The following ATG2A variants were observed in gnomAD, a reference collection of about 807,000 sequenced individuals.
ATG2A encodes autophagy-related protein 2 homolog A.
ATG2A carries 103 observed loss-of-function variants against 214.2 expected under a neutral mutation model. The ratio of observed to expected loss-of-function variants is 0.48; its 90% CI spans 0.41 to 0.57. The LOEUF is 0.57. Ranked by LOEUF, ATG2A falls within the 20% of genes least tolerant of loss-of-function variation. ATG2A has a pLI of 0.00. For synonymous variants in ATG2A, 1,160 were observed against 1,142.1 expected (o/e 1.02, Z -0.32); for missense variants, 2,312 against 2,613.2 (o/e 0.88, Z 2.51).
At chr11:64,915,660 C>T (rs1056279402) in intron 1 of ATG2A, among the ~76,000 whole-genome samples, 2 of 152,012 alleles carry the variant, frequency 1.3e-5, no homozygotes, top group Non-Finnish European at 2.9e-5. Context: ...GGAGTAGGGG[C>T]GTTTTCTGGA....
At position 64,894,959 on chromosome 11, in the gene ATG2A, CG is replaced by C; in HGVS notation, c.*13del. 1 of 1,610,256 alleles carries C rather than the reference CG, an allele frequency of 6.2e-7. No homozygotes were observed. The highest frequency in any genetic ancestry group is 8.5e-7 in the Non-Finnish European group (1 of 1,178,052). On this transcript the variant is annotated 3_prime_UTR_variant, in exon 41 of 41. Transcript: ENST00000377264. ...ATGGTGGGCAGCACCCTCTGGGTGCCGGGCACCCCAGGCTCAGTCTTGGGCA... is the reference window on the plus strand; with the variant it reads ...ATGGTGGGCAGCACCCTCTGGGTGCCGGCACCCCAGGCTCAGTCTTGGGCA...
intron 10 of ATG2A, 36 bp from the exon 11 acceptor site, chr11:64,910,990 TA>T (rs763055921): frequency 6.2e-7 from 1 of 1,613,526 alleles, no homozygotes. Flanking sequence ...AAGGTGCACT[TA>T]GGGGGCTCTG....
At chr11:64,906,063 C>G in intron 22 of ATG2A, 50 bp downstream of exon 22, 2 of 1,537,804 alleles carry the variant, frequency 1.3e-6, no homozygotes, top group South Asian at 2.4e-5. Flanking sequence ...TTGCCCAAAA[C>G]AGAAGTCCAG....
Position 64,910,688 on chromosome 11 carries a change from C to T in ATG2A, c.1635G>A (p.Thr545=), listed in dbSNP as rs202089842. Residue 545 remains threonine, a synonymous_variant, in exon 12 of 41, where the codon ACG becomes ACA. Coordinates refer to ENST00000377264, the MANE Select transcript of ATG2A (RefSeq NM_015104.3). ...GCCGAGCTGAGGCCTGGGAGCCCAG[C>T]GTACCAGGAAAGGTCAGGATCTGGG... ...EYTEILTFPG[T]LGSQASARPC... The T allele has an allele frequency of 2.6e-5, 42 of 1,610,126 alleles. No individual in the cohort carries two copies. Among genetic ancestry groups the T allele is most frequent in the South Asian group, 6.6e-5 (6 of 90,424 alleles).
chr11:64,908,939 C>T (rs1944656756), intron 16 of ATG2A, 52 bp downstream of exon 16: 6 of 1,535,930 alleles, frequency 3.9e-6, no homozygotes, highest in Non-Finnish European at 5.2e-6. Context: ...ACGGCAGGAA[C>T]CCGGGCGGTG....
chr11:64,894,725 A>C lies in ATG2A; in HGVS notation c.*248T>G. 1 of 694,610 alleles carries C rather than the reference A, an allele frequency of 1.4e-6. No individual in the cohort carries two copies. Among genetic ancestry groups the C allele is most frequent in the Non-Finnish European group, 2.6e-6 (1 of 380,548 alleles). The allele number at this position is 694,610 out of a possible 1,614,324, so 43.0% of individuals were successfully genotyped here. The stretch of plus-strand genomic sequence containing the variant: ...AGCCTCCGTCCTGGGAGAAGGCAGC[A>C]GTGTGGGCCCAGGTCGGGGGAGGGG... On this transcript the variant is annotated 3_prime_UTR_variant, in exon 41 of 41. Coordinates refer to ENST00000377264, the MANE Select transcript of ATG2A (RefSeq NM_015104.3).
rs775050907 is a variant in ATG2A, at chr11:64,896,453, C to T, written c.5427+9G>A. On this transcript the variant is annotated intron_variant, in intron 39 of 40. Transcript: ENST00000377264. ...TCCTGCACAGCCCAGATACAGGGCA[C>T]CCACTCACCTGGATAGCCTGTACCA... 3 of 1,606,018 alleles carry T rather than the reference C, an allele frequency of 1.9e-6. No individual in the cohort carries two copies. The highest frequency in any genetic ancestry group is 2.6e-6 in the Non-Finnish European group (3 of 1,176,234).
Position 64,894,958 on chromosome 11 carries a change from C to T in ATG2A, c.*15G>A. The T allele has an allele frequency of 6.2e-7, 1 of 1,610,734 alleles. No homozygotes were observed. ...CATGGTGGGCAGCACCCTCTGGGTGCCGGGCACCCCAGGCTCAGTCTTGGG... is the reference window on the plus strand; with the variant it reads ...CATGGTGGGCAGCACCCTCTGGGTGTCGGGCACCCCAGGCTCAGTCTTGGG... On this transcript the variant is annotated 3_prime_UTR_variant, in exon 41 of 41. Coordinates refer to ENST00000377264, the MANE Select transcript of ATG2A (RefSeq NM_015104.3).
rs948246359 is a variant in ATG2A, at chr11:64,895,804, A to G, written c.5428-362T>C. On this transcript the variant is annotated intron_variant, in intron 39 of 40. Transcript: ENST00000377264. The surrounding 1 kb of genome is among the most constrained non-coding windows in gnomAD (Gnocchi z 5.0). ...CTGGCCCCCCAGACGCCCCTGCCAG[A>G]TGGTCAGAGGCCCATCCTTCCTTCT... is the stretch of plus-strand genomic sequence containing the variant. 6.6e-6 allele frequency among the ~76,000 whole-genome samples: 1 copy of G among 152,086 alleles called. No individual in the cohort carries two copies. The highest frequency in any genetic ancestry group is 1.5e-5 in the Non-Finnish European group (1 of 67,996).
At chr11:64,896,314 C>T in intron 39 of ATG2A, 148 bp downstream of exon 39, 1 of 1,250,600 alleles carries the variant, frequency 8.0e-7, no homozygotes, top group Non-Finnish European at 1.1e-6. Context: ...AGTCACTTAG[C>T]CTCTCCGTGG....
intron 16 of ATG2A, among the ~76,000 whole-genome samples, chr11:64,908,492 C>T (rs566975998): frequency 2.0e-5 from 3 of 151,894 alleles, no homozygotes; most frequent in East Asian, 3.9e-4. Context: ...GCGGAGGTTG[C>T]GGTGAGCCGA....
rs1944135613 is a variant in ATG2A, at chr11:64,895,992, T to G, written c.5427+470A>C. Among the ~76,000 whole-genome samples the G allele has an allele frequency of 6.6e-6, 1 of 152,184 alleles. No individual in the cohort carries two copies. The highest frequency in any genetic ancestry group is 6.5e-5 in the Admixed American group (1 of 15,286). Reference sequence around the variant, plus strand: ...AGCTTGCAGGTTCCAGAATGCACCATGCACCTGCACTCACCCCTTAGCCGC... The same window carrying G: ...AGCTTGCAGGTTCCAGAATGCACCAGGCACCTGCACTCACCCCTTAGCCGC... On this transcript the variant is annotated intron_variant, in intron 39 of 40. Coordinates refer to ENST00000377264, the MANE Select transcript of ATG2A (RefSeq NM_015104.3). The surrounding 1 kb of genome is among the most constrained non-coding windows in gnomAD (Gnocchi z 5.0).
In ATG2A at chr11:64,902,506, T is replaced by A; in HGVS notation, c.3777+10A>T. The A allele has an allele frequency of 6.7e-7, 1 of 1,484,678 alleles. No homozygotes were observed. Among genetic ancestry groups the A allele is most frequent in the Non-Finnish European group, 9.0e-7 (1 of 1,109,810 alleles). The allele number at this position is 1,484,678 out of a possible 1,614,324, so 92.0% of individuals were successfully genotyped here. A position where few individuals can be genotyped will look rare whatever the true frequency, so the allele number is the denominator to read the frequency against. The stretch of plus-strand genomic sequence containing the variant: ...CTCTGGTAGCCTGTGTGGCCAGGCC[T>A]CACCTGTACCTTCTGGCCGGCGATC... On this transcript the variant is annotated intron_variant, in intron 27 of 40. Coordinates refer to ENST00000377264, the MANE Select transcript of ATG2A (RefSeq NM_015104.3).
chr11:64,914,723 T>C (rs1037123287), intron 1 of ATG2A, among the ~76,000 whole-genome samples: 8 of 151,954 alleles, frequency 5.3e-5, no homozygotes, highest in Non-Finnish European at 8.8e-5. Context: ...AGAGCAGATG[T>C]TTCCCTCACC....
intron 36 of ATG2A, 37 bp from the exon 37 acceptor site, chr11:64,897,531 A>G: frequency 6.3e-7 from 1 of 1,590,934 alleles, no homozygotes; most frequent in Non-Finnish European, 8.6e-7. Context: ...ACCCAATGGG[A>G]CTCAGGGAGC....
chr11:64,897,514 C>A lies in ATG2A; in HGVS notation c.5068-20G>T. On this transcript the variant is annotated intron_variant, in intron 36 of 40. Coordinates refer to ENST00000377264, the MANE Select transcript of ATG2A (RefSeq NM_015104.3). ...AGTGCCCTGGGAGAGGGAGGGGGTC[C>A]AGGTTTACCCAATGGGACTCAGGGA... The A allele has an allele frequency of 6.3e-7, 1 of 1,584,696 alleles. No individual in the cohort carries two copies. Among genetic ancestry groups the A allele is most frequent in the South Asian group, 1.1e-5 (1 of 87,460 alleles).
At chr11:64,910,242 C>A (rs141946555) in intron 12 of ATG2A, 47 bp from the exon 13 acceptor site, 3 of 1,529,310 alleles carry the variant, frequency 2.0e-6, no homozygotes, top group Non-Finnish European at 2.6e-6. Flanking sequence ...TGGTACTCAG[C>A]GGGTGGGACA....
chr11:64,900,684 T>C, intron 30 of ATG2A, 55 bp from the exon 31 acceptor site: 1 of 1,519,418 alleles, frequency 6.6e-7, no homozygotes, highest in Non-Finnish European at 8.8e-7. Flanking sequence ...TCCCTCCCCG[T>C]CCTCAGCGGG....
chr11:64,894,834 G>C lies in ATG2A; in HGVS notation c.*139C>G. ...GAGGCCCCCCTCTCACAGCAGATTG[G>C]CAACGGGCAGGCTGGGAAGGCGTCC... On this transcript the variant is annotated 3_prime_UTR_variant, in exon 41 of 41. Transcript: ENST00000377264. 9.6e-7 allele frequency: 1 copy of C among 1,044,478 alleles called. No individual in the cohort carries two copies. Among genetic ancestry groups the C allele is most frequent in the Non-Finnish European group, 1.5e-6 (1 of 675,074 alleles). 64.7% of individuals were successfully genotyped at this position (1,044,478 alleles called of 1,614,324 possible).
Sources: allele counts gnomAD v4.1 joint callset (sites outside exome capture counted in the v4.1 genomes callset), GRCh38; gene constraint gnomAD v4.1.1; non-coding constraint Gnocchi (gnomAD v3.1); transcripts MANE v1.5; gene names NCBI Gene and HGNC (gene_info 2026-07-23, HGNC 2026-07-21).